Variants in TMX4 observed in about 807,000 individuals in gnomAD.
The protein encoded by TMX4 is thioredoxin related transmembrane protein 4, also known as thioredoxin-related transmembrane protein 4.
A neutral mutation model predicts 33.3 loss-of-function variants in TMX4; 23 were observed. That is an observed-to-expected ratio of 0.69 (90% CI 0.50 to 0.98). The LOEUF (loss-of-function observed/expected upper bound fraction) is 0.98, where lower values mean the gene tolerates loss of function less well. TMX4 is among the 50% of genes least tolerant of loss of function. The pLI is 0.00. For synonymous variants in TMX4, 164 were observed against 161.5 expected (o/e 1.02, Z -0.12); for missense variants, 399 against 448.9 (o/e 0.89, Z 1.01).
intron 2 of TMX4, among the ~76,000 whole-genome samples, chr20:8,002,272 A>C (rs1252092720): frequency 2.6e-5 from 4 of 152,250 alleles, no homozygotes; most frequent in Non-Finnish European, 4.4e-5. Context: ...GACTGTGGTT[A>C]CCACTCAAGA....
chr20:8,009,632 A>C (rs904078560), intron 2 of TMX4, among the ~76,000 whole-genome samples: 2 of 152,136 alleles, frequency 1.3e-5, no homozygotes, highest in African/African-American at 4.8e-5. Context: ...TGTCTAAGCT[A>C]AATCATGCAC....
rs377027151 is a variant in TMX4 at position 7,987,343 on chromosome 20, C to T, written c.560G>A (p.Cys187Tyr). 25 of 1,599,314 alleles carry T rather than the reference C, an allele frequency of 1.6e-5. No homozygotes were observed. The South Asian group carries it at 2.6e-4, about 17-fold the overall frequency. ...FTVTLGIPAW[C>Y]SYVFFVIATL... Reference sequence around the variant, plus strand: ...GGCTATGACGAAAAAGACATAAGAACACCAAGCAGGAATTCCAAGAGTCAC... The same window carrying T: ...GGCTATGACGAAAAAGACATAAGAATACCAAGCAGGAATTCCAAGAGTCAC... Residue 187 changes from cysteine (C) to tyrosine (Y), a missense_variant, in exon 6 of 8, where the codon TGT (cysteine) becomes TAT (tyrosine). By Grantham distance (194) the Cys-to-Tyr change is radical. Transcript: ENST00000246024.
At chr20:7,992,693 T>C (rs1311903655) in intron 5 of TMX4, among the ~76,000 whole-genome samples, 1 of 152,156 alleles carries the variant, frequency 6.6e-6, no homozygotes, top group Non-Finnish European at 1.5e-5. Flanking sequence ...TCCTAGAATC[T>C]TGAGGACCAG....
chr20:7,986,551 T>C (rs1213415985), intron 6 of TMX4, among the ~76,000 whole-genome samples: 1 of 152,196 alleles, frequency 6.6e-6, no homozygotes, highest in African/African-American at 2.4e-5. Context: ...TAGTATACAA[T>C]ATAAAGGTTT....
At chr20:8,014,564 CAAAG>C (rs761755363) in intron 1 of TMX4, among the ~76,000 whole-genome samples, 4 of 152,008 alleles carry the variant, frequency 2.6e-5, no homozygotes, top group Non-Finnish European at 5.9e-5. Flanking sequence ...TAGAGGTAGT[CAAAG>C]AAAGACCTAG....
Position 7,979,862 on chromosome 20 carries a change from A to G in TMX4, c.*2389T>C, listed in dbSNP as rs2050597765. 1.3e-5 allele frequency: 2 copies of G among 152,280 alleles called. No individual in the cohort carries two copies. Among genetic ancestry groups the G allele is most frequent in the Non-Finnish European group, 1.5e-5 (1 of 68,018 alleles). 9.4% of individuals were successfully genotyped at this position (152,280 alleles called of 1,614,324 possible). A position where few individuals can be genotyped will look rare whatever the true frequency, so the allele number is the denominator to read the frequency against. On this transcript the variant is annotated 3_prime_UTR_variant, in exon 8 of 8. Coordinates refer to ENST00000246024, the MANE Select transcript of TMX4 (RefSeq NM_021156.4). ...TGTTTTTGGATTTGGGGATTTTTGT[A>G]TATATATAATGAGGTATCTTGGGAG...
chr20:7,982,686 G>T, intron 7 of TMX4, 65 bp from the exon 8 acceptor site: 1 of 1,480,096 alleles, frequency 6.8e-7, no homozygotes, highest in Non-Finnish European at 9.0e-7. Flanking sequence ...TCAATTGAGT[G>T]TGTTTAGCTG....
intron 2 of TMX4, 80 bp from the exon 3 acceptor site, chr20:8,001,621 A>T: frequency 7.6e-7 from 1 of 1,321,038 alleles, no homozygotes; most frequent in East Asian, 2.5e-5. Flanking sequence ...TCATAATCAC[A>T]TTATTAAAAT....
intron 1 of TMX4, 129 bp downstream of exon 1, chr20:8,019,309 T>C (rs1368456465): frequency 1.8e-5 from 21 of 1,166,586 alleles, no homozygotes; most frequent in Non-Finnish European, 2.0e-5. Context: ...CGCAGGTTGT[T>C]GGCAAGCCTG....
intron 7 of TMX4, 53 bp downstream of exon 7, chr20:7,983,741 C>T: frequency 1.4e-6 from 2 of 1,477,698 alleles, no homozygotes; most frequent in Admixed American, 1.8e-5. Context: ...CACAAAAAGG[C>T]ACATCACAGA....
At chr20:7,987,483 G>A in intron 5 of TMX4, 94 bp from the exon 6 acceptor site, 1 of 815,142 alleles carries the variant, frequency 1.2e-6, no homozygotes. Context: ...ACATACATAG[G>A]TTCCCACAAA....
At chr20:8,002,338 G>A (rs2050710984) in intron 2 of TMX4, among the ~76,000 whole-genome samples, 1 of 152,086 alleles carries the variant, frequency 6.6e-6, no homozygotes, top group Non-Finnish European at 1.5e-5. Context: ...TTATAGTCTA[G>A]TAGCAGAAGG....
chr20:8,015,584 C>G (rs887195986), intron 1 of TMX4, among the ~76,000 whole-genome samples: 2 of 152,346 alleles, frequency 1.3e-5, no homozygotes, highest in Admixed American at 6.5e-5. Context: ...TCTTCACCTT[C>G]CCAGCTCCCC....
At position 7,981,911 on chromosome 20, in the gene TMX4, T is replaced by C. The variant is rs181282374; in HGVS notation, c.*340A>G. 7.7e-4 allele frequency: 155 copies of C among 201,718 alleles called. No individual in the cohort carries two copies. Among genetic ancestry groups the C allele is most frequent in the Non-Finnish European group, 1.2e-3 (116 of 100,482 alleles). 12.5% of individuals were successfully genotyped at this position (201,718 alleles called of 1,614,324 possible). ...CCAAGGCTCCTGCTTGGCTTTCATT[T>C]CACAGGGCCTGCAGCCTTGTCTCTG... On this transcript the variant is annotated 3_prime_UTR_variant, in exon 8 of 8. Coordinates refer to ENST00000246024, the MANE Select transcript of TMX4 (RefSeq NM_021156.4).
At chr20:7,987,452 C>A in intron 5 of TMX4, 63 bp from the exon 6 acceptor site, 1 of 1,173,314 alleles carries the variant, frequency 8.5e-7, no homozygotes, top group East Asian at 2.7e-5. Flanking sequence ...ATTTCAATCT[C>A]TCTCTCTAGC....
At chr20:8,007,651 A>G (rs2050736376) in intron 2 of TMX4, among the ~76,000 whole-genome samples, 1 of 152,016 alleles carries the variant, frequency 6.6e-6, no homozygotes, top group African/African-American at 2.4e-5. Context: ...TGGTGGTCCT[A>G]TTGTTCTCCA....
chr20:8,007,884 C>A (rs377062271), intron 2 of TMX4, among the ~76,000 whole-genome samples: 1 of 152,160 alleles, frequency 6.6e-6, no homozygotes, highest in South Asian at 2.1e-4. Context: ...TCTTCATATC[C>A]CTTACCACCA....
In TMX4 at chr20:8,009,269, CTG is replaced by C. The variant is rs1302935762; in HGVS notation, c.292+929_292+930del. Among the ~76,000 whole-genome samples the C allele has an allele frequency of 2.0e-5, 3 of 152,100 alleles. No homozygotes were observed. In the East Asian group the frequency reaches 5.8e-4, roughly 29 times the overall value. On this transcript the variant is annotated intron_variant, in intron 2 of 7. Coordinates refer to ENST00000246024, the MANE Select transcript of TMX4 (RefSeq NM_021156.4). ...ATATCTTTTCAGAATTTAAAAGTCT[CTG>C]TATCACTCCACTCTTTGGGGTAAAA... is the stretch of plus-strand genomic sequence containing the variant.
At chr20:7,993,940 A>G (rs1360873485) in intron 5 of TMX4, among the ~76,000 whole-genome samples, 1 of 152,162 alleles carries the variant, frequency 6.6e-6, no homozygotes, top group Non-Finnish European at 1.5e-5. Flanking sequence ...CATCAGTTAA[A>G]AGAATTATAT....
Sources: gnomAD v4.1 joint callset for allele counts (sites outside exome capture counted in the v4.1 genomes callset) on GRCh38, gnomAD v4.1.1 for gene constraint, MANE v1.5 for transcripts, NCBI Gene and HGNC (gene_info 2026-07-23, HGNC 2026-07-21) for gene names.